NTM: variants seen among roughly 807,000 people sequenced by gnomAD.
The protein encoded by NTM is neurotrimin.
In NTM, 13 loss-of-function variants were observed where a neutral mutation model predicts 42.1. That is an observed-to-expected ratio of 0.31 (90% confidence interval 0.20 to 0.49). The LOEUF (loss-of-function observed/expected upper bound fraction) is 0.49, where lower values mean the gene tolerates loss of function less well. NTM is among the 20% of genes least tolerant of loss of function. NTM has a pLI of 0.99. For synonymous variants in NTM, 187 were observed against 179.2 expected, an observed-to-expected ratio of 1.04 and a Z score of -0.35; for missense variants, 373 against 452.8, an observed-to-expected ratio of 0.82 and a Z score of 1.60.
chr11:131,435,464 A>C (rs1420600080), intron 1 of NTM, among the ~76,000 whole-genome samples: 3 of 152,056 alleles, frequency 2.0e-5, no homozygotes, highest in Non-Finnish European at 4.4e-5. Flanking sequence ...CTTTTATTTC[A>C]TTGAGCAGTG....
In NTM at chr11:131,974,970, A is replaced by G. The variant is rs2134764709; in HGVS notation, c.167+63322A>G. Among the ~76,000 whole-genome samples, 3 of 152,280 alleles carry G rather than the reference A, an allele frequency of 2.0e-5. No individual in the cohort carries two copies. The South Asian group carries it at 6.2e-4, about 32-fold the overall frequency. On this transcript the variant is annotated intron_variant, in intron 2 of 8. Transcript: ENST00000683400. ...GTGTCCTTCTGCGAGCCTCCACTCC[A>G]TTTATTAATAGTTTGCAAAAACCTT...
intron 2 of NTM, among the ~76,000 whole-genome samples, chr11:131,983,374 CTTTT>C (rs151133606): frequency 1.6e-5 from 2 of 122,408 alleles, no homozygotes; most frequent in Non-Finnish European, 1.7e-5. Flanking sequence ...AAAATTGTAT[CTTTT>C]TTTTTTTTTT....
At chr11:131,397,394 A>T (rs1944680607) in intron 1 of NTM, among the ~76,000 whole-genome samples, 1 of 152,070 alleles carries the variant, frequency 6.6e-6, no homozygotes, top group Admixed American at 6.6e-5. Flanking sequence ...CATTTTATAC[A>T]GGGGTAAACT....
At chr11:132,303,384 G>C (rs2094938444) in intron 4 of NTM, among the ~76,000 whole-genome samples, 1 of 152,180 alleles carries the variant, frequency 6.6e-6, no homozygotes, top group Non-Finnish European at 1.5e-5. Context: ...TTGGCTCCTA[G>C]AAGCATCACT....
At chr11:132,144,392 A>C (rs2069876788) in intron 2 of NTM, among the ~76,000 whole-genome samples, 1 of 152,182 alleles carries the variant, frequency 6.6e-6, no homozygotes, top group Non-Finnish European at 1.5e-5. Context: ...TGGCTTCACA[A>C]CTTTGTTTAT....
At chr11:131,621,502 C>T (rs2062537505) in intron 1 of NTM, among the ~76,000 whole-genome samples, 1 of 151,890 alleles carries the variant, frequency 6.6e-6, no homozygotes, top group South Asian at 2.1e-4. Context: ...GCCACCCTGT[C>T]AAAGAGGAAG....
chr11:132,031,409 A>G (rs2075900078), intron 2 of NTM, among the ~76,000 whole-genome samples: 1 of 152,220 alleles, frequency 6.6e-6, no homozygotes, highest in African/African-American at 2.4e-5. Flanking sequence ...GCCGTATTCC[A>G]GATGAGAGGG....
chr11:131,515,634 G>T (rs79429896), intron 1 of NTM, among the ~76,000 whole-genome samples: 5 of 152,294 alleles, frequency 3.3e-5, no homozygotes, highest in Middle Eastern at 3.4e-3. Flanking sequence ...TTATTTTAGG[G>T]ATGTGTGATT....
At chr11:131,392,589 A>T (rs1944147240) in intron 1 of NTM, among the ~76,000 whole-genome samples, 1 of 152,198 alleles carries the variant, frequency 6.6e-6, no homozygotes, top group Non-Finnish European at 1.5e-5. Context: ...TGTGTTTTAT[A>T]AGCTTCGCCT....
chr11:132,101,922 T>C (rs2061674847), intron 2 of NTM, among the ~76,000 whole-genome samples: 1 of 152,214 alleles, frequency 6.6e-6, no homozygotes, highest in Admixed American at 6.5e-5. Flanking sequence ...ATCCTTGTCA[T>C]GGCACAAAAA....
At chr11:131,402,910 T>C (rs188768941) in intron 1 of NTM, among the ~76,000 whole-genome samples, 7 of 152,220 alleles carry the variant, frequency 4.6e-5, no homozygotes, top group South Asian at 4.1e-4. Flanking sequence ...AGAAAGAAAT[T>C]TAAGGGGTGA....
intron 1 of NTM, among the ~76,000 whole-genome samples, chr11:131,553,899 T>G (rs2055039316): frequency 6.6e-6 from 1 of 152,180 alleles, no homozygotes; most frequent in African/African-American, 2.4e-5. Context: ...TTCACTCTCA[T>G]TTCCCGTAAA....
At chr11:131,687,213 A>C (rs1400090587) in intron 1 of NTM, among the ~76,000 whole-genome samples, 1 of 152,170 alleles carries the variant, frequency 6.6e-6, no homozygotes, top group Non-Finnish European at 1.5e-5. Context: ...GAGAAGGAAA[A>C]TTGTACCTGC....
chr11:132,317,595 G>A (rs773154026), intron 7 of NTM: 63 of 963,870 alleles, frequency 6.5e-5, no homozygotes, highest in Non-Finnish European at 8.8e-5. Context: ...ATATAGCACT[G>A]TATATAATAT....
intron 2 of NTM, among the ~76,000 whole-genome samples, chr11:131,919,725 T>C (rs2056938847): frequency 9.5e-6 from 1 of 105,064 alleles, no homozygotes; most frequent in Non-Finnish European, 1.8e-5. Context: ...GTTATAACTT[T>C]CTTTCTCTAT....
At chr11:132,122,477 C>T (rs987922520) in intron 2 of NTM, among the ~76,000 whole-genome samples, 2 of 152,196 alleles carry the variant, frequency 1.3e-5, no homozygotes, top group African/African-American at 2.4e-5. Flanking sequence ...ACTGGGGCTG[C>T]GCCTACTGTC....
chr11:131,760,533 A>T (rs1254916207), intron 1 of NTM, among the ~76,000 whole-genome samples: 1 of 152,202 alleles, frequency 6.6e-6, no homozygotes, highest in Non-Finnish European at 1.5e-5. Flanking sequence ...TCCTTAAAAC[A>T]TCTGTTCCGT....
intron 1 of NTM, among the ~76,000 whole-genome samples, chr11:131,498,915 G>T (rs141979814): frequency 2.6e-5 from 4 of 152,336 alleles, no homozygotes; most frequent in African/African-American, 9.6e-5. Context: ...GCCAGTGTCA[G>T]TTCCAGGCAG....
intron 1 of NTM, among the ~76,000 whole-genome samples, chr11:131,479,976 A>G (rs1591789586): frequency 2.0e-5 from 3 of 152,026 alleles, no homozygotes; most frequent in Admixed American, 2.0e-4. Flanking sequence ...AGTATTACTG[A>G]TTTTTCCTTT....
Sources: gnomAD v4.1 joint callset for allele counts (sites outside exome capture counted in the v4.1 genomes callset) on GRCh38, gnomAD v4.1.1 for gene constraint, MANE v1.5 for transcripts, NCBI Gene and HGNC (gene_info 2026-07-23, HGNC 2026-07-21) for gene names.